The following DHX9 variants were observed in gnomAD, a reference collection of about 807,000 sequenced individuals.
DHX9 encodes DExH-box helicase 9.
DHX9 carries 27 observed loss-of-function variants against 148.7 expected under a neutral mutation model. The observed-to-expected ratio is 0.18, with a 90% CI of 0.13 to 0.25. DHX9 has a LOEUF of 0.25. Ranked by LOEUF, DHX9 falls within the 10% of genes least tolerant of loss-of-function variation. The pLI is 1.00. For missense variants in DHX9, 796 were observed against 1,559.6 expected, an observed-to-expected ratio of 0.51 and a Z score of 8.25; for synonymous variants, 529 against 516.6, an observed-to-expected ratio of 1.02 and a Z score of -0.33.
chr1:182,884,580 C>G (rs1204365006), intron 26 of DHX9, 33 bp from the exon 27 acceptor site: 1 of 1,590,158 alleles, frequency 6.3e-7, no homozygotes, highest in East Asian at 2.2e-5. Flanking sequence ...CATATACTCC[C>G]TCTCTTATTT....
At chr1:182,845,011 G>C (rs1183125197) in intron 3 of DHX9, among the ~76,000 whole-genome samples, 1 of 152,164 alleles carries the variant, frequency 6.6e-6, no homozygotes, top group African/African-American at 2.4e-5. Flanking sequence ...TTTGTATTCT[G>C]CCTTGTTTAT....
intron 14 of DHX9, among the ~76,000 whole-genome samples, chr1:182,872,053 G>A (rs1272486663): frequency 3.3e-5 from 5 of 152,098 alleles, no homozygotes; most frequent in African/African-American, 4.8e-5. Context: ...TTATCTGCCC[G>A]CCTTGACCTC....
Position 182,884,607 on chromosome 1 carries a change from C to CT in DHX9, c.3261-3dup. On this transcript the variant is annotated splice_polypyrimidine_tract_variant and splice_region_variant and intron_variant, in intron 26 of 27. Coordinates refer to ENST00000367549, the MANE Select transcript of DHX9 (RefSeq NM_001357.5). ...CTCTTATTTTTAATGTATTTCGCCA[C>CT]TTTAGGATTAAACTGCAAATATCTC... is the stretch of plus-strand genomic sequence containing the variant. 6.2e-7 allele frequency: 1 copy of CT among 1,613,644 alleles called. No homozygotes were observed.
chr1:182,853,057 G>C (rs959483219), intron 4 of DHX9, among the ~76,000 whole-genome samples: 1 of 138,788 alleles, frequency 7.2e-6, no homozygotes, highest in South Asian at 2.2e-4. Context: ...CTCTCTAGTA[G>C]CTGGGATTAC....
intron 5 of DHX9, 125 bp downstream of exon 5, chr1:182,853,543 C>G (rs1358583804): frequency 7.7e-6 from 5 of 646,800 alleles, no homozygotes; most frequent in Non-Finnish European, 1.3e-5. Flanking sequence ...TTATTTGAGA[C>G]TACTTATTAG....
At position 182,848,918 on chromosome 1, in the gene DHX9, A is replaced by C. The variant is rs72727041; in HGVS notation, c.253-3315A>C. On this transcript the variant is annotated intron_variant, in intron 3 of 27. Transcript: ENST00000367549. ...AAATGACCAGATCTCATGAGAACTC[A>C]CTCACTGTTGCTAGGATAGCAGTAC... Among the ~76,000 whole-genome samples the C allele has an allele frequency of 8.8e-3, 1,344 of 152,216 alleles. 13 individuals are homozygous for C. Among genetic ancestry groups the C allele is most frequent in the Middle Eastern group, 0.02 (6 of 294 alleles).
intron 12 of DHX9, among the ~76,000 whole-genome samples, chr1:182,865,280 G>A (rs1166351588): frequency 6.6e-6 from 1 of 152,062 alleles, no homozygotes; most frequent in Admixed American, 6.6e-5. Context: ...TTCATGTAAC[G>A]CTATTTTTCA....
In DHX9 at chr1:182,883,663, A is replaced by G. The variant is rs779076341; in HGVS notation, c.3260+28A>G. 66 of 1,500,220 alleles carry G rather than the reference A, an allele frequency of 4.4e-5. No homozygotes were observed. The Middle Eastern group carries it at 5.2e-4, about 12-fold the overall frequency. 92.9% of individuals were successfully genotyped at this position (1,500,220 alleles called of 1,614,324 possible). On this transcript the variant is annotated intron_variant, in intron 26 of 27. Coordinates refer to ENST00000367549, the MANE Select transcript of DHX9 (RefSeq NM_001357.5). ...ATGGATTTTCAGATGTGAACTCCAA[A>G]CTGAATTCTTAGAATTACAATATGA...
chr1:182,876,011 CTG>C lies in DHX9; in HGVS notation c.1816-38_1816-37del, dbSNP rs754478674. 25 of 1,549,264 alleles carry C rather than the reference CTG, an allele frequency of 1.6e-5. No homozygotes were observed. In the African/African-American group the frequency reaches 3.1e-4, roughly 19 times the overall value. ...TCTAGAAGACTTACCTCATGAGTAA[CTG>C]AGACAATCCAAAAATATGTCTCCCT... On this transcript the variant is annotated intron_variant, in intron 16 of 27. Coordinates refer to ENST00000367549, the MANE Select transcript of DHX9 (RefSeq NM_001357.5).
chr1:182,881,186 A>C (rs1649070246), intron 22 of DHX9, 78 bp from the exon 23 acceptor site: 2 of 1,443,502 alleles, frequency 1.4e-6, no homozygotes, highest in Non-Finnish European at 1.9e-6. Flanking sequence ...ACTGCAACCC[A>C]CAGTCGACAG....
At chr1:182,869,285 T>G (rs928663690) in intron 14 of DHX9, among the ~76,000 whole-genome samples, 1 of 152,158 alleles carries the variant, frequency 6.6e-6, no homozygotes, top group Non-Finnish European at 1.5e-5. Flanking sequence ...ACCGGTCTTA[T>G]CCGGTTCGGC....
intron 12 of DHX9, among the ~76,000 whole-genome samples, chr1:182,866,074 G>A (rs1212591776): frequency 1.3e-5 from 2 of 152,168 alleles, no homozygotes; most frequent in Non-Finnish European, 2.9e-5. Context: ...AAAGAAGGCA[G>A]TTGTTCACCT....
chr1:182,851,786 A>C (rs1199426167), intron 3 of DHX9, among the ~76,000 whole-genome samples: 1 of 152,236 alleles, frequency 6.6e-6, no homozygotes, highest in African/African-American at 2.4e-5. Flanking sequence ...AAAAATATCT[A>C]TTCCGTGATC....
intron 3 of DHX9, among the ~76,000 whole-genome samples, chr1:182,846,237 C>CTT (rs546727701): frequency 7.1e-4 from 98 of 138,782 alleles, no homozygotes; most frequent in African/African-American, 2.3e-3. Context: ...ACCAGATGTA[C>CTT]TTTTTTTTTT....
chr1:182,875,913 GTATTCTA>G (rs962283881), intron 16 of DHX9, 130 bp from the exon 17 acceptor site: 50 of 678,362 alleles, frequency 7.4e-5, no homozygotes, highest in Non-Finnish European at 1.2e-5. Context: ...AATTTCTTCT[GTATTCTA>G]TAGTGTGTGA....
chr1:182,848,908 A>G (rs1282160231), intron 3 of DHX9, among the ~76,000 whole-genome samples: 1 of 152,048 alleles, frequency 6.6e-6, no homozygotes, highest in Admixed American at 6.6e-5. Flanking sequence ...ACCAGATCTC[A>G]TGAGAACTCA....
chr1:182,876,628 A>C, intron 18 of DHX9, 87 bp downstream of exon 18: 1 of 1,231,676 alleles, frequency 8.1e-7, no homozygotes, highest in Admixed American at 1.9e-5. Flanking sequence ...TACCCAAAAA[A>C]TTGTAACCCA....
intron 8 of DHX9, 35 bp downstream of exon 8, chr1:182,858,275 T>A: frequency 6.3e-7 from 1 of 1,597,628 alleles, no homozygotes. Flanking sequence ...TGTGAGATAG[T>A]GTGAGATTCA....
Position 182,858,539 on chromosome 1 carries a change from CT to C in DHX9, c.811-7del. The C allele has an allele frequency of 5.6e-6, 9 of 1,598,168 alleles. No individual in the cohort carries two copies. The highest frequency in any genetic ancestry group is 1.7e-5 in the Admixed American group (1 of 57,986). ...TGAGTAGTGTTGTTAATGTGTGATC[CT>C]TTTTCCATAGGTGGAGCCTTACAAA... is the stretch of plus-strand genomic sequence containing the variant. On this transcript the variant is annotated splice_polypyrimidine_tract_variant and intron_variant, in intron 8 of 27. Transcript: ENST00000367549.
Sources: gnomAD v4.1 joint callset for allele counts (sites outside exome capture counted in the v4.1 genomes callset) on GRCh38, gnomAD v4.1.1 for gene constraint, MANE v1.5 for transcripts, NCBI Gene and HGNC (gene_info 2026-07-23, HGNC 2026-07-21) for gene names.